Variants in ALCAM observed in about 807,000 individuals in gnomAD.
ALCAM encodes CD166 antigen.
Under a neutral mutation model 70.9 loss-of-function variants are expected in ALCAM, and 30 were observed. The ratio of observed to expected loss-of-function variants is 0.42; its 90% confidence interval spans 0.32 to 0.57. The LOEUF (loss-of-function observed/expected upper bound fraction) is 0.57, where lower values mean the gene tolerates loss of function less well. Ranked by LOEUF, ALCAM falls within the 20% of genes least tolerant of loss-of-function variation. ALCAM has a pLI of 0.11. For synonymous variants in ALCAM, 249 were observed against 242.5 expected, an observed-to-expected ratio of 1.03 and a Z score of -0.25; for missense variants, 591 against 695.1, an observed-to-expected ratio of 0.85 and a Z score of 1.68.
At chr3:105,376,133 G>C (rs1448360609) in intron 1 of ALCAM, among the ~76,000 whole-genome samples, 1 of 152,078 alleles carries the variant, frequency 6.6e-6, no homozygotes, top group African/African-American at 2.4e-5. Context: ...GAGAGAGAGA[G>C]AGAATGAATT....
chr3:105,496,055 A>C (rs1000881781), intron 1 of ALCAM, among the ~76,000 whole-genome samples: 2 of 152,192 alleles, frequency 1.3e-5, no homozygotes, highest in African/African-American at 2.4e-5. Context: ...TTTTTCTGCT[A>C]TCAGAAAACT....
At chr3:105,436,053 G>A (rs962888800) in intron 1 of ALCAM, among the ~76,000 whole-genome samples, 2 of 152,124 alleles carry the variant, frequency 1.3e-5, no homozygotes, top group African/African-American at 4.8e-5. Flanking sequence ...AGAAACTCCC[G>A]TTTTTAAAAC....
intron 1 of ALCAM, among the ~76,000 whole-genome samples, chr3:105,412,763 A>T (rs1936421386): frequency 6.6e-6 from 1 of 152,130 alleles, no homozygotes; most frequent in Non-Finnish European, 1.5e-5. Flanking sequence ...TTTGGAAAAT[A>T]CTTGGAATAT....
At chr3:105,433,892 C>T (rs1364552992) in intron 1 of ALCAM, among the ~76,000 whole-genome samples, 1 of 151,670 alleles carries the variant, frequency 6.6e-6, no homozygotes, top group East Asian at 1.9e-4. Context: ...AAGTCTATCC[C>T]ACTGCAAAAA....
At position 105,540,167 on chromosome 3, in the gene ALCAM, G is replaced by T. The variant is rs984467363; in HGVS notation, c.858+65G>T. 1.7e-5 allele frequency: 25 copies of T among 1,501,850 alleles called. No individual in the cohort carries two copies. The African/African-American group carries it at 3.2e-4, about 19-fold the overall frequency. The allele number at this position is 1,501,850 out of a possible 1,614,324, so 93.0% of individuals were successfully genotyped here. A position where few individuals can be genotyped will look rare whatever the true frequency, so the allele number is the denominator to read the frequency against. ...TTTTCCTGTTGTTTGACTTCTACAT[G>T]GATAGATTAAGTGAGAAAAAATGTT... On this transcript the variant is annotated intron_variant, in intron 7 of 15. Transcript: ENST00000306107.
intron 1 of ALCAM, among the ~76,000 whole-genome samples, chr3:105,386,015 A>G (rs1371856939): frequency 6.6e-6 from 1 of 151,614 alleles, no homozygotes; most frequent in Non-Finnish European, 1.5e-5. Context: ...TCATGGGTGA[A>G]TGGAGCACAT....
At position 105,440,321 on chromosome 3, in the gene ALCAM, G is replaced by T. The variant is rs114555961; in HGVS notation, c.73+72840G>T. Among the ~76,000 whole-genome samples, 1,461 of 152,292 alleles carry T rather than the reference G, an allele frequency of 9.6e-3. 7 individuals are homozygous for T. Among genetic ancestry groups the T allele is most frequent in the Non-Finnish European group, 0.015 (1,007 of 68,016 alleles). On this transcript the variant is annotated intron_variant, in intron 1 of 15. Transcript: ENST00000306107. ...AGAAGAGATAACAAAGAAAGCATTG[G>T]TTGCACAATTCTAATGTCAATAAGC...
At chr3:105,393,781 T>A (rs1288935369) in intron 1 of ALCAM, among the ~76,000 whole-genome samples, 2 of 151,902 alleles carry the variant, frequency 1.3e-5, no homozygotes, top group Non-Finnish European at 2.9e-5. Context: ...CTATTTGATG[T>A]CTGGTACCTT....
At chr3:105,516,404 C>T (rs1383665545) in intron 1 of ALCAM, among the ~76,000 whole-genome samples, 4 of 151,924 alleles carry the variant, frequency 2.6e-5, no homozygotes, top group Non-Finnish European at 4.4e-5. Flanking sequence ...CTATACAAAA[C>T]ATATTACTGT....
chr3:105,426,167 A>T (rs960600915), intron 1 of ALCAM, among the ~76,000 whole-genome samples: 20 of 151,914 alleles, frequency 1.3e-4, no homozygotes, highest in African/African-American at 4.3e-4. Context: ...GACCTAGGAC[A>T]AGTCATCTAA....
intron 1 of ALCAM, among the ~76,000 whole-genome samples, chr3:105,473,937 A>C (rs1938021824): frequency 6.6e-6 from 1 of 151,358 alleles, no homozygotes. Flanking sequence ...GTCACATCTA[A>C]TTATTCAAAA....
intron 11 of ALCAM, among the ~76,000 whole-genome samples, chr3:105,549,471 C>T (rs1242147888): frequency 6.6e-6 from 1 of 151,178 alleles, no homozygotes; most frequent in East Asian, 1.9e-4. Flanking sequence ...ACATTATTTG[C>T]CTCAACCTTG....
At position 105,525,173 on chromosome 3, in the gene ALCAM, T is replaced by C. The variant is rs902864181; in HGVS notation, c.394+665T>C. On this transcript the variant is annotated intron_variant, in intron 3 of 15. Coordinates refer to ENST00000306107, the MANE Select transcript of ALCAM (RefSeq NM_001627.4). ...GTCCTAAAATTAAAAAAACTCACTA[T>C]ACCCTGAATGCTTATGTGGGATACA... The C allele has an allele frequency of 5.1e-6, 5 of 984,002 alleles. No individual in the cohort carries two copies. The African/African-American group carries it at 8.7e-5, about 17-fold the overall frequency. The allele number at this position is 984,002 out of a possible 1,614,324, so 61.0% of individuals were successfully genotyped here.
At chr3:105,462,080 T>C (rs1054845967) in intron 1 of ALCAM, among the ~76,000 whole-genome samples, 1 of 151,718 alleles carries the variant, frequency 6.6e-6, no homozygotes, top group African/African-American at 2.4e-5. Context: ...GTTGTGCCAA[T>C]ATTTCTAGAA....
chr3:105,574,964 GA>G lies in ALCAM; in HGVS notation c.*514del, dbSNP rs1308372529. 6.6e-6 allele frequency: 1 copy of G among 152,382 alleles called. No individual in the cohort carries two copies. Among genetic ancestry groups the G allele is most frequent in the South Asian group, 2.1e-4 (1 of 4,830 alleles). The allele number at this position is 152,382 out of a possible 1,614,324, so 9.4% of individuals were successfully genotyped here. A position where few individuals can be genotyped will look rare whatever the true frequency, so the allele number is the denominator to read the frequency against. On this transcript the variant is annotated 3_prime_UTR_variant, in exon 16 of 16. Transcript: ENST00000306107. ...AAGGTGGCAGCTTGTGAAGATTGGG[GA>G]CACTCATATTGCCCTAATTAAAAAC...
rs551043214 is a variant in ALCAM at position 105,543,205 on chromosome 3, T to G, written c.991+1440T>G. Among the ~76,000 whole-genome samples the G allele has an allele frequency of 4.6e-4, 70 of 151,722 alleles. 3 individuals are homozygous for G. In the Admixed American group the frequency reaches 4.6e-3, roughly 10 times the overall value. On this transcript the variant is annotated intron_variant, in intron 8 of 15. Transcript: ENST00000306107. Reference sequence around the variant, plus strand: ...TGTAGATAAGGCAGGGGAGGATAGATGGCAGACTGACAAAGCAAAAGACTT... The same window carrying G: ...TGTAGATAAGGCAGGGGAGGATAGAGGGCAGACTGACAAAGCAAAAGACTT...
intron 1 of ALCAM, among the ~76,000 whole-genome samples, chr3:105,413,883 G>C (rs554134812): frequency 6.6e-6 from 1 of 151,952 alleles, no homozygotes; most frequent in Non-Finnish European, 1.5e-5. Flanking sequence ...AATTAGTTAG[G>C]CCTAATATGG....
At chr3:105,431,996 G>T (rs563349823) in intron 1 of ALCAM, among the ~76,000 whole-genome samples, 1 of 152,232 alleles carries the variant, frequency 6.6e-6, no homozygotes, top group East Asian at 1.9e-4. Flanking sequence ...AACTTGAGCT[G>T]TAATAATGAA....
intron 2 of ALCAM, among the ~76,000 whole-genome samples, chr3:105,521,287 G>A (rs1171103971): frequency 8.0e-6 from 1 of 125,320 alleles, no homozygotes; most frequent in Non-Finnish European, 1.6e-5. Context: ...CGGCCTGGGC[G>A]ACAGAGCGAG....
Sources: gnomAD v4.1 joint callset for allele counts (sites outside exome capture counted in the v4.1 genomes callset) on GRCh38, gnomAD v4.1.1 for gene constraint, MANE v1.5 for transcripts, NCBI Gene and HGNC (gene_info 2026-07-23, HGNC 2026-07-21) for gene names.